The following GLT1D1 variants were observed in gnomAD, a reference collection of about 807,000 sequenced individuals.
GLT1D1 encodes glycosyltransferase 1 domain-containing protein 1.
Under a neutral mutation model 28.7 loss-of-function variants are expected in GLT1D1, and 21 were observed. The ratio of observed to expected loss-of-function variants is 0.73; its 90% CI spans 0.52 to 1.05. The LOEUF is 1.05. GLT1D1 is among the 50% of genes least tolerant of loss of function. The pLI, the probability that GLT1D1 is intolerant of heterozygous loss-of-function variation, is 0.00. For synonymous variants in GLT1D1, 147 were observed against 124.8 expected, an observed-to-expected ratio of 1.18 and a Z score of -1.19; for missense variants, 343 against 330.6, an observed-to-expected ratio of 1.04 and a Z score of -0.29.
intron 7 of GLT1D1, among the ~76,000 whole-genome samples, chr12:128,978,048 A>G (rs470636): frequency 0.81 from 123,411 of 151,586 alleles, 50,434 homozygotes; most frequent in African/African-American, 0.9. Context: ...GCCTCCCAAA[A>G]TGCTGGGTTT....
At chr12:128,866,743 C>A (rs1237719892) in intron 1 of GLT1D1, among the ~76,000 whole-genome samples, 2 of 152,020 alleles carry the variant, frequency 1.3e-5, no homozygotes, top group Admixed American at 1.3e-4. Flanking sequence ...GCCTCAGCCT[C>A]CTGTGTAGCA....
chr12:128,908,765 C>T (rs963197196), intron 4 of GLT1D1, among the ~76,000 whole-genome samples: 4 of 151,816 alleles, frequency 2.6e-5, no homozygotes, highest in East Asian at 1.9e-4. Flanking sequence ...TTGGCTAACA[C>T]GGTGAAACCC....
At chr12:128,964,695 C>T (rs186021014) in intron 7 of GLT1D1, among the ~76,000 whole-genome samples, 1 of 152,258 alleles carries the variant, frequency 6.6e-6, no homozygotes, top group East Asian at 1.9e-4. Flanking sequence ...GTGTCAGAGC[C>T]AGACCTGGAG....
rs117428832 is a variant in GLT1D1 at position 128,981,529 on chromosome 12, G to A, written c.640-1400G>A. On this transcript the variant is annotated intron_variant, in intron 7 of 7. Transcript: ENST00000281703. ...CACCAATTTACTATGAAGTATAAAC[G>A]TAATCTATAAACATATAATTCTACT... Among the ~76,000 whole-genome samples, 269 of 152,238 alleles carry A rather than the reference G, an allele frequency of 1.8e-3. 2 individuals carry two copies. Among genetic ancestry groups the A allele is most frequent in the Middle Eastern group, 0.01 (3 of 294 alleles).
At chr12:128,971,444 TCCTCTCTCCCTC>T (rs1565923017) in intron 7 of GLT1D1, among the ~76,000 whole-genome samples, 1 of 87,256 alleles carries the variant, frequency 1.1e-5, no homozygotes. Flanking sequence ...CTCCCTCCCT[TCCTCTCTCCCTC>T]CATCCCTCCC....
At chr12:128,915,826 A>T (rs973904740) in intron 4 of GLT1D1, among the ~76,000 whole-genome samples, 6 of 152,212 alleles carry the variant, frequency 3.9e-5, no homozygotes, top group Admixed American at 3.9e-4. Flanking sequence ...TTTGCTCATT[A>T]TGTCAGTAGA....
chr12:128,874,538 A>G (rs1464842976), intron 1 of GLT1D1, among the ~76,000 whole-genome samples: 4 of 142,900 alleles, frequency 2.8e-5, no homozygotes, highest in Non-Finnish European at 6.0e-5. Context: ...GCTGGAGTAC[A>G]GTGGCACAGT....
intron 4 of GLT1D1, among the ~76,000 whole-genome samples, chr12:128,909,050 T>C: frequency 6.6e-6 from 1 of 152,236 alleles, no homozygotes; most frequent in East Asian, 1.9e-4. Flanking sequence ...CTCCCGTTTC[T>C]GACCTGTGCC....
intron 1 of GLT1D1, chr12:128,864,132 GGA>G: frequency 5.9e-6 from 4 of 679,618 alleles, no homozygotes; most frequent in Middle Eastern, 2.4e-4. Flanking sequence ...GGCTGGGGCA[GGA>G]GAGTCTTAAC....
chr12:128,903,297 G>A (rs758808804), intron 4 of GLT1D1, among the ~76,000 whole-genome samples: 1 of 151,636 alleles, frequency 6.6e-6, no homozygotes, highest in Non-Finnish European at 1.5e-5. Context: ...GTCTCCATGG[G>A]GTCTGTCATC....
intron 4 of GLT1D1, among the ~76,000 whole-genome samples, chr12:128,934,585 G>A (rs1470475407): frequency 1.3e-5 from 2 of 152,140 alleles, no homozygotes; most frequent in African/African-American, 2.4e-5. Context: ...GTTCGCAGGA[G>A]GTCCCAATGA....
intron 4 of GLT1D1, among the ~76,000 whole-genome samples, chr12:128,903,658 G>A (rs1870540930): frequency 6.6e-6 from 1 of 151,672 alleles, no homozygotes; most frequent in Non-Finnish European, 1.5e-5. Context: ...ACTGTCTCAG[G>A]CCCGGTGAAT....
At chr12:128,865,465 G>A (rs1956489757) in intron 1 of GLT1D1, among the ~76,000 whole-genome samples, 1 of 152,136 alleles carries the variant, frequency 6.6e-6, no homozygotes, top group South Asian at 2.1e-4. Flanking sequence ...TTCCGTATCT[G>A]TGGGTTCCAT....
intron 1 of GLT1D1, among the ~76,000 whole-genome samples, chr12:128,867,862 G>A (rs976971711): frequency 6.6e-6 from 1 of 152,228 alleles, no homozygotes; most frequent in Non-Finnish European, 1.5e-5. Context: ...GAGGTCAATG[G>A]TCTGGAATTC....
At chr12:128,944,181 T>C in intron 4 of GLT1D1, 1 of 410,804 alleles carries the variant, frequency 2.4e-6, no homozygotes, top group South Asian at 2.1e-5. Flanking sequence ...AATTCATACA[T>C]ACTGGAATTC....
chr12:128,853,562 GC>G lies in GLT1D1; in HGVS notation c.-17del. 1 of 1,083,612 alleles carries G rather than the reference GC, an allele frequency of 9.2e-7. No homozygotes were observed. 67.1% of individuals were successfully genotyped at this position (1,083,612 alleles called of 1,614,324 possible). On this transcript the variant is annotated 5_prime_UTR_variant, in exon 1 of 8. Coordinates refer to ENST00000281703, the MANE Select transcript of GLT1D1 (RefSeq NM_144669.3). ...TCGGCGGCGGCGGGGCCGGTCGATG[GC>G]CCGGGCGGCGGCGGCGGCATGCGGC...
At chr12:128,939,762 A>C (rs1423835575) in intron 4 of GLT1D1, among the ~76,000 whole-genome samples, 1 of 151,554 alleles carries the variant, frequency 6.6e-6, no homozygotes, top group African/African-American at 2.4e-5. Context: ...GAGGTGCCAC[A>C]CACATTTAAA....
At chr12:128,858,882 TG>T (rs1397347608) in intron 1 of GLT1D1, among the ~76,000 whole-genome samples, 1 of 152,200 alleles carries the variant, frequency 6.6e-6, no homozygotes, top group Non-Finnish European at 1.5e-5. Flanking sequence ...TTCCTTTCTA[TG>T]GATCCCAGGT....
At chr12:128,949,514 G>T (rs1348928656) in intron 6 of GLT1D1, among the ~76,000 whole-genome samples, 1 of 152,120 alleles carries the variant, frequency 6.6e-6, no homozygotes, top group Non-Finnish European at 1.5e-5. Flanking sequence ...TTCAGAATTA[G>T]CTGTATTTTC....
Sources: allele counts gnomAD v4.1 joint callset (sites outside exome capture counted in the v4.1 genomes callset), GRCh38; gene constraint gnomAD v4.1.1; transcripts MANE v1.5; gene names NCBI Gene and HGNC (gene_info 2026-07-23, HGNC 2026-07-21).